Variants in CHD1 observed in about 807,000 individuals in gnomAD.
The protein encoded by CHD1 is chromodomain helicase DNA binding protein 1, also known as ATP-dependent chromatin remodeler CHD1.
In CHD1, 36 loss-of-function variants were observed where a neutral mutation model predicts 224.2. That is an observed-to-expected ratio of 0.16 (90% CI 0.12 to 0.21). CHD1 has a LOEUF of 0.21. CHD1 is among the 10% of genes least tolerant of loss of function. The pLI is 1.00. For missense variants in CHD1, 1,378 were observed against 1,994.8 expected (o/e 0.69, Z 5.89); for synonymous variants, 668 against 658.3 (o/e 1.01, Z -0.23).
rs891977760 is a variant in CHD1, at chr5:98,897,469, T to C, written c.1366-149A>G. On this transcript the variant is annotated intron_variant, in intron 10 of 35. Transcript: ENST00000614616. ...CCATTACTCAAAATGTACCTGAGGA[T>C]TCAGTCAATACTGTTTTCTACTACT... The C allele has an allele frequency of 2.2e-5, 13 of 593,054 alleles. No individual in the cohort carries two copies. In the African/African-American group the frequency reaches 2.4e-4, roughly 11 times the overall value. 36.7% of individuals were successfully genotyped at this position (593,054 alleles called of 1,614,324 possible). A position where few individuals can be genotyped will look rare whatever the true frequency, so the allele number is the denominator to read the frequency against.
At chr5:98,898,599 T>G (rs1048126210) in intron 9 of CHD1, 65 bp downstream of exon 9, 20 of 1,280,288 alleles carry the variant, frequency 1.6e-5, no homozygotes, top group Non-Finnish European at 2.0e-5. Flanking sequence ...GTGGCAAACT[T>G]ATGACTTTTT....
Position 98,879,739 on chromosome 5 carries a change from T to A in CHD1, c.3061-11A>T, listed in dbSNP as rs767853402. ...TGAGAAGTTGGCAACCTGATAAATT[T>A]CAGAATTTTAAGAGTAACTGTTACA... On this transcript the variant is annotated splice_polypyrimidine_tract_variant and intron_variant, in intron 22 of 35. Transcript: ENST00000614616. 6.4e-6 allele frequency: 10 copies of A among 1,562,706 alleles called. No individual in the cohort carries two copies. In the Admixed American group the frequency reaches 8.0e-5, roughly 13 times the overall value.
At chr5:98,862,930 A>T (rs528363524) in intron 32 of CHD1, among the ~76,000 whole-genome samples, 2 of 152,284 alleles carry the variant, frequency 1.3e-5, no homozygotes, top group African/African-American at 4.8e-5. Flanking sequence ...AGATTAGCTA[A>T]ATTTAGCTTT....
chr5:98,879,867 C>A, intron 22 of CHD1, 139 bp from the exon 23 acceptor site: 1 of 567,114 alleles, frequency 1.8e-6, no homozygotes, highest in Non-Finnish European at 3.0e-6. Flanking sequence ...TTCTAAACAA[C>A]CTAGATTCAT....
In CHD1 at chr5:98,856,536, C is replaced by T. The variant is rs779996051; in HGVS notation, c.4977G>A (p.Arg1659=). The part of the protein sequence containing the change: ...YTHHKSSRDY[R]YHSDWQMDHR... ...GGTCCATTTGCCAGTCTGAGTGATACCTATAATCCCTGGAAGATTTATGGT... is the reference window on the plus strand; with the variant it reads ...GGTCCATTTGCCAGTCTGAGTGATATCTATAATCCCTGGAAGATTTATGGT... Residue 1659 remains arginine (R), a synonymous_variant, in exon 36 of 36, where the codon AGG becomes AGA. Coordinates refer to ENST00000614616, the MANE Select transcript of CHD1 (RefSeq NM_001270.4). 5.0e-6 allele frequency: 8 copies of T among 1,613,740 alleles called. No individual in the cohort carries two copies. The highest frequency in any genetic ancestry group is 1.6e-4 in the Middle Eastern group (1 of 6,084).
Position 98,876,519 on chromosome 5 carries a change from T to G in CHD1, c.3277A>C (p.Arg1093=). ...TCACTATCAGATCCAGAGTATCTCC[T>G]ACTTCTACTGCGCCTCCCTTCACTT... ...NGSEGRRSRS[R]RYSGSDSDSI... The change falls in exon 24 of 36, where the codon AGG becomes CGG. Residue 1093 remains arginine, a synonymous_variant. Transcript: ENST00000614616. 6.2e-7 allele frequency: 1 copy of G among 1,614,036 alleles called. No homozygotes were observed. Among genetic ancestry groups the G allele is most frequent in the Non-Finnish European group, 8.5e-7 (1 of 1,179,934 alleles).
chr5:98,912,702 C>T (rs1405776919), intron 2 of CHD1, among the ~76,000 whole-genome samples: 1 of 151,992 alleles, frequency 6.6e-6, no homozygotes, highest in Non-Finnish European at 1.5e-5. Context: ...ATAAAGAAAG[C>T]AAAGTCAAAT....
intron 2 of CHD1, among the ~76,000 whole-genome samples, chr5:98,922,682 T>C (rs887454861): frequency 1.3e-5 from 2 of 152,194 alleles, no homozygotes; most frequent in Non-Finnish European, 1.5e-5. Context: ...AAACAAAGTA[T>C]ATTTCTAATC....
At chr5:98,870,333 C>T (rs184921349) in intron 29 of CHD1, among the ~76,000 whole-genome samples, 3 of 152,102 alleles carry the variant, frequency 2.0e-5, no homozygotes, top group East Asian at 1.9e-4. Context: ...CAACCTATGA[C>T]GCTGTCCCTT....
intron 17 of CHD1, 133 bp downstream of exon 17, chr5:98,887,955 G>C (rs780710351): frequency 1.4e-5 from 7 of 486,800 alleles, no homozygotes; most frequent in Non-Finnish European, 2.0e-5. Flanking sequence ...TTTTAAAGCA[G>C]ATACATCTTT....
Position 98,870,696 on chromosome 5 carries a change from A to G in CHD1, c.3969T>C (p.Leu1323=). 3.1e-6 allele frequency: 5 copies of G among 1,592,906 alleles called. No homozygotes were observed. Among genetic ancestry groups the G allele is most frequent in the Non-Finnish European group, 3.4e-6 (4 of 1,168,056 alleles). The change falls in exon 29 of 36, where the codon CTT becomes CTC. Residue 1323 remains leucine (L), a synonymous_variant. Transcript: ENST00000614616. ...GTGGGCTTTAACTTACCGCACCAGAAAGAGCTTCTTTTTTTGCAAGATCTC... is the reference window on the plus strand; with the variant it reads ...GTGGGCTTTAACTTACCGCACCAGAGAGAGCTTCTTTTTTTGCAAGATCTC... ...LSRDLAKKEA[L]SGAGSSKRRK... is the part of the protein sequence containing the mutation.
In CHD1 at chr5:98,882,076, A is replaced by T. The variant is rs1288759441; in HGVS notation, c.2766T>A (p.Ile922=). The change falls in exon 20 of 36, where the codon ATT becomes ATA. Residue 922 remains isoleucine (I), a synonymous_variant. Transcript: ENST00000614616. The part of the protein sequence containing the change: ...LVTKGSVEED[I]LERAKKKMVL... ...CCATCTTCTTTTTCGCCCTTTCAAG[A>T]ATATCTTCTTCAACTGATCCCTTTG... 6.2e-7 allele frequency: 1 copy of T among 1,613,666 alleles called. No homozygotes were observed. Among genetic ancestry groups the T allele is most frequent in the Non-Finnish European group, 8.5e-7 (1 of 1,179,812 alleles).
intron 23 of CHD1, among the ~76,000 whole-genome samples, chr5:98,878,556 G>C (rs1749939468): frequency 2.0e-5 from 3 of 152,238 alleles, no homozygotes; most frequent in Admixed American, 2.0e-4. Flanking sequence ...TGGCAATATA[G>C]CTTGGCATGG....
chr5:98,910,220 TC>T (rs1234991293), intron 2 of CHD1, among the ~76,000 whole-genome samples: 3 of 152,138 alleles, frequency 2.0e-5, no homozygotes, highest in Middle Eastern at 3.2e-3. Flanking sequence ...ATGTCATCAC[TC>T]GGGTTGAGTT....
chr5:98,870,302 C>A (rs1749236563), intron 29 of CHD1, among the ~76,000 whole-genome samples: 1 of 151,928 alleles, frequency 6.6e-6, no homozygotes, highest in South Asian at 2.1e-4. Flanking sequence ...TGTCTTTTTC[C>A]TTCTTTTTCA....
chr5:98,884,559 T>G (rs577751550), intron 18 of CHD1, among the ~76,000 whole-genome samples: 1 of 152,228 alleles, frequency 6.6e-6, no homozygotes, highest in South Asian at 2.1e-4. Flanking sequence ...TGGTTCAGTG[T>G]ATACTGCTCA....
chr5:98,898,220 T>C (rs747439114), intron 10 of CHD1, 36 bp downstream of exon 10: 3 of 1,138,978 alleles, frequency 2.6e-6, no homozygotes, highest in Non-Finnish European at 3.5e-6. Context: ...TGTATAAATA[T>C]ATTTTTAATA....
intron 33 of CHD1, among the ~76,000 whole-genome samples, chr5:98,859,534 A>C (rs2112448974): frequency 6.6e-6 from 1 of 152,248 alleles, no homozygotes; most frequent in East Asian, 1.9e-4. Flanking sequence ...CAGTTATTTT[A>C]TAGAATATCC....
In CHD1 at chr5:98,873,606, T is replaced by C. The variant is rs769905991; in HGVS notation, c.3558A>G (p.Gly1186=). 3 of 1,599,488 alleles carry C rather than the reference T, an allele frequency of 1.9e-6. No homozygotes were observed. The East Asian group carries it at 6.8e-5, about 36-fold the overall frequency. The change falls in exon 26 of 36, where the codon GGA becomes GGG. Residue 1186 remains glycine (G), a synonymous_variant. Coordinates refer to ENST00000614616, the MANE Select transcript of CHD1 (RefSeq NM_001270.4). ...GTTTAATGTTACCTGTTCGTTCTGT[T>C]CCTGAAGAACTATCCTTTAATGCTT... ...CIKALKDSSS[G]TERTGGRLGK... is the part of the protein sequence containing the mutation.
Sources: gnomAD v4.1 joint callset for allele counts (sites outside exome capture counted in the v4.1 genomes callset) on GRCh38, gnomAD v4.1.1 for gene constraint, MANE v1.5 for transcripts, NCBI Gene and HGNC (gene_info 2026-07-23, HGNC 2026-07-21) for gene names.